TFDP2: variants seen among roughly 807,000 people sequenced by gnomAD.
TFDP2 encodes the protein transcription factor Dp-2.
TFDP2 carries 17 observed loss-of-function variants against 59.3 expected under a neutral mutation model. The ratio of observed to expected loss-of-function variants is 0.29; its 90% CI spans 0.20 to 0.43. TFDP2 has a LOEUF of 0.43. Ranked by LOEUF, TFDP2 falls within the 20% of genes least tolerant of loss-of-function variation. The probability of loss-of-function intolerance (pLI) is 1.00; values close to 1 mark genes in which losing one functional copy is unlikely to be tolerated. For missense variants in TFDP2, 391 were observed against 528.8 expected, an observed-to-expected ratio of 0.74 and a Z score of 2.56; for synonymous variants, 180 against 194.7, an observed-to-expected ratio of 0.92 and a Z score of 0.63.
chr3:142,055,599 A>T (rs1010481977), intron 3 of TFDP2, among the ~76,000 whole-genome samples: 6 of 152,334 alleles, frequency 3.9e-5, no homozygotes, highest in African/African-American at 1.4e-4. Context: ...TTAAACTCAG[A>T]CCTATTTGAT....
rs1033519051 is a variant in TFDP2, at chr3:142,138,800, A to G, written c.-93+10383T>C. Among the ~76,000 whole-genome samples, 5 of 152,300 alleles carry G rather than the reference A, an allele frequency of 3.3e-5. No homozygotes were observed. In the East Asian group the frequency reaches 7.7e-4, roughly 24 times the overall value. On this transcript the variant is annotated intron_variant, in intron 1 of 12. Coordinates refer to ENST00000489671, the MANE Select transcript of TFDP2 (RefSeq NM_001178139.2). ...TGCTTTACTTCCAATTATGTGGTCAATTTTAGAATAAGTGTGATATGGTGC... is the reference window on the plus strand; with the variant it reads ...TGCTTTACTTCCAATTATGTGGTCAGTTTTAGAATAAGTGTGATATGGTGC...
At chr3:142,136,957 A>G (rs6797841) in intron 1 of TFDP2, among the ~76,000 whole-genome samples, 77,186 of 151,896 alleles carry the variant, frequency 0.51, 22,385 homozygotes, top group African/African-American at 0.8. Context: ...GGATGGCATC[A>G]AATCTATAAA....
At chr3:142,092,918 A>C in intron 3 of TFDP2, 143 bp downstream of exon 3, 1 of 545,614 alleles carries the variant, frequency 1.8e-6, no homozygotes, top group South Asian at 3.4e-5. Flanking sequence ...TGACTTTCAT[A>C]CAGCACAAGT....
intron 4 of TFDP2, among the ~76,000 whole-genome samples, chr3:142,002,618 T>C (rs11712803): frequency 0.07 from 10,642 of 152,210 alleles, 471 homozygotes; most frequent in Non-Finnish European, 0.11. Flanking sequence ...TGAGGCTTTC[T>C]CTATAGCTCT....
At chr3:142,061,901 C>CT (rs879730168) in intron 3 of TFDP2, among the ~76,000 whole-genome samples, 3,225 of 124,518 alleles carry the variant, frequency 0.026, 100 homozygotes, top group African/African-American at 0.11. Flanking sequence ...CACACACACA[C>CT]ACACACACAC....
chr3:141,970,088 T>C lies in TFDP2; in HGVS notation c.717A>G (p.Gln239=). 1 of 1,614,196 alleles carries C rather than the reference T, an allele frequency of 6.2e-7. No individual in the cohort carries two copies. Among genetic ancestry groups the C allele is most frequent in the Non-Finnish European group, 8.5e-7 (1 of 1,180,004 alleles). The change falls in exon 9 of 13, where the codon CAA becomes CAG. Residue 239 remains glutamine, a synonymous_variant. Transcript: ENST00000489671. ...ERIKQKRAQL[Q]ELLLQQIAFK... is the part of the protein sequence containing the mutation. The stretch of plus-strand genomic sequence containing the variant: ...GTATCTTTACCTGTAGGAGAAGTTC[T>C]TGCAGCTGGGCCCGCTTCTGCTTTA...
intron 1 of TFDP2, among the ~76,000 whole-genome samples, chr3:142,119,779 A>G (rs747781474): frequency 1.3e-5 from 2 of 152,182 alleles, no homozygotes; most frequent in Non-Finnish European, 2.9e-5. Context: ...GACCGGGTGC[A>G]GCGGCTCACG....
chr3:142,034,965 C>G (rs1296681921), intron 3 of TFDP2, among the ~76,000 whole-genome samples: 2 of 152,190 alleles, frequency 1.3e-5, no homozygotes, highest in African/African-American at 4.8e-5. Context: ...CTTGGCCTCC[C>G]AAAGTGCTGG....
intron 1 of TFDP2, among the ~76,000 whole-genome samples, chr3:142,119,918 T>C (rs1226118131): frequency 6.6e-6 from 1 of 150,426 alleles, no homozygotes; most frequent in African/African-American, 2.5e-5. Context: ...GGCATGGTGG[T>C]GCGCGCCTGT....
chr3:142,040,745 A>T (rs1252685891), intron 3 of TFDP2, among the ~76,000 whole-genome samples: 1 of 152,138 alleles, frequency 6.6e-6, no homozygotes, highest in Non-Finnish European at 1.5e-5. Context: ...TTTTTTTAAT[A>T]AAAAATAAAT....
intron 3 of TFDP2, chr3:142,043,829 C>A: frequency 6.5e-7 from 1 of 1,537,244 alleles, no homozygotes; most frequent in Non-Finnish European, 9.0e-7. Context: ...AACACATTTC[C>A]CTTCACCTTC....
chr3:142,111,636 A>G (rs1384028065), intron 1 of TFDP2, among the ~76,000 whole-genome samples: 1 of 152,112 alleles, frequency 6.6e-6, no homozygotes, highest in Non-Finnish European at 1.5e-5. Flanking sequence ...AGATCAAAGG[A>G]AGAAAAGCAT....
chr3:142,057,717 A>G (rs2059789523), intron 3 of TFDP2, among the ~76,000 whole-genome samples: 1 of 152,228 alleles, frequency 6.6e-6, no homozygotes, highest in Non-Finnish European at 1.5e-5. Context: ...TTAGAGAAAG[A>G]CTTTATTTCC....
chr3:141,997,937 T>C (rs1943432756), intron 4 of TFDP2, among the ~76,000 whole-genome samples: 1 of 152,144 alleles, frequency 6.6e-6, no homozygotes, highest in East Asian at 1.9e-4. Flanking sequence ...GCTATCTTTA[T>C]GAAAATGACT....
intron 11 of TFDP2, among the ~76,000 whole-genome samples, chr3:141,957,672 C>T (rs780695107): frequency 1.2e-4 from 19 of 152,122 alleles, no homozygotes; most frequent in African/African-American, 4.1e-4. Flanking sequence ...ACAACATGAA[C>T]GAACCTTGAA....
chr3:142,130,178 T>A (rs2062441112), intron 1 of TFDP2, among the ~76,000 whole-genome samples: 1 of 152,134 alleles, frequency 6.6e-6, no homozygotes, highest in Admixed American at 6.5e-5. Flanking sequence ...TCATAATGGT[T>A]AAAATGTAGA....
chr3:142,094,920 T>C (rs1221203681), intron 2 of TFDP2, among the ~76,000 whole-genome samples: 2 of 152,224 alleles, frequency 1.3e-5, no homozygotes, highest in Non-Finnish European at 2.9e-5. Flanking sequence ...GAAAAGATTT[T>C]AAAGCACACA....
At chr3:141,985,170 A>G (rs1941948335) in intron 6 of TFDP2, among the ~76,000 whole-genome samples, 1 of 152,208 alleles carries the variant, frequency 6.6e-6, no homozygotes, top group African/African-American at 2.4e-5. Context: ...AATTTTAAAT[A>G]ATAAACCCAG....
Position 142,084,638 on chromosome 3 carries a change from G to A in TFDP2, c.82+8423C>T, listed in dbSNP as rs371534986. On this transcript the variant is annotated intron_variant, in intron 3 of 12. Coordinates refer to ENST00000489671, the MANE Select transcript of TFDP2 (RefSeq NM_001178139.2). ...ACATGTACACAGTGGAGTACTATTC[G>A]GCCATTAAAAAAAATGAGATCCTGT... Among the ~76,000 whole-genome samples the A allele has an allele frequency of 1.2e-4, 18 of 151,756 alleles. No homozygotes were observed. In the East Asian group the frequency reaches 1.4e-3, roughly 11 times the overall value.
Sources: gnomAD v4.1 joint callset for allele counts (sites outside exome capture counted in the v4.1 genomes callset) on GRCh38, gnomAD v4.1.1 for gene constraint, MANE v1.5 for transcripts, NCBI Gene and HGNC (gene_info 2026-07-23, HGNC 2026-07-21) for gene names.